Variants in DAZAP1 observed in about 807,000 individuals in gnomAD.
DAZAP1 encodes the protein DAZ associated protein 1.
DAZAP1 carries 6 observed loss-of-function variants against 60.1 expected under a neutral mutation model. The observed-to-expected ratio is 0.10, with a 90% CI of 0.05 to 0.20. The LOEUF (loss-of-function observed/expected upper bound fraction) is 0.20, where lower values mean the gene tolerates loss of function less well. DAZAP1 is among the 10% of genes least tolerant of loss of function. DAZAP1 has a pLI of 1.00. For synonymous variants in DAZAP1, 235 were observed against 215.9 expected, an observed-to-expected ratio of 1.09 and a Z score of -0.78; for missense variants, 366 against 560.4, an observed-to-expected ratio of 0.65 and a Z score of 3.50.
intron 10 of DAZAP1, among the ~76,000 whole-genome samples, chr19:1,431,832 G>A (rs1490279759): frequency 6.6e-6 from 1 of 152,272 alleles, no homozygotes; most frequent in East Asian, 1.9e-4. Context: ...GAACGGCACC[G>A]TGATCTGATT....
Position 1,416,074 on chromosome 19 carries a change from G to C in DAZAP1, c.30-1426G>C, listed in dbSNP as rs780905079. ...CCAGGGGCTGACTCGCGGGGGCTGAGTGTACAGGCCCCAGGTGGTGGTTGA... is the reference window on the plus strand; with the variant it reads ...CCAGGGGCTGACTCGCGGGGGCTGACTGTACAGGCCCCAGGTGGTGGTTGA... On this transcript the variant is annotated intron_variant, in intron 1 of 11. Coordinates refer to ENST00000233078, the MANE Select transcript of DAZAP1 (RefSeq NM_018959.4). The surrounding 1 kb of genome is among the most constrained non-coding windows in gnomAD (Gnocchi z 4.3). The C allele has an allele frequency of 1.3e-5, 2 of 152,260 alleles. No homozygotes were observed. The highest frequency in any genetic ancestry group is 2.9e-5 in the Non-Finnish European group (2 of 68,068). The allele number at this position is 152,260 out of a possible 1,614,324, so 9.4% of individuals were successfully genotyped here. A position where few individuals can be genotyped will look rare whatever the true frequency, so the allele number is the denominator to read the frequency against.
At chr19:1,410,473 C>A (rs1270918629) in intron 1 of DAZAP1, among the ~76,000 whole-genome samples, 1 of 152,200 alleles carries the variant, frequency 6.6e-6, no homozygotes, top group African/African-American at 2.4e-5. Flanking sequence ...AGCAGGTGGC[C>A]TGGAGCGCTC....
intron 2 of DAZAP1, among the ~76,000 whole-genome samples, chr19:1,417,941 G>A (rs574289261): frequency 2.6e-5 from 4 of 152,304 alleles, no homozygotes; most frequent in East Asian, 3.9e-4. Context: ...TGCCTTAAAC[G>A]TTGCCTTCCT....
intron 1 of DAZAP1, among the ~76,000 whole-genome samples, chr19:1,409,590 G>A (rs1179091584): frequency 2.0e-5 from 3 of 152,370 alleles, no homozygotes; most frequent in South Asian, 4.1e-4. Context: ...CAGACTCCTT[G>A]GGCAAGAAGT....
chr19:1,410,544 C>T (rs907993877), intron 1 of DAZAP1, among the ~76,000 whole-genome samples: 1 of 152,224 alleles, frequency 6.6e-6, no homozygotes, highest in Non-Finnish European at 1.5e-5. Context: ...CTTGTGAAGT[C>T]ATCTTAAAGT....
At chr19:1,429,852 C>A in intron 8 of DAZAP1, 115 bp from the exon 9 acceptor site, 1 of 1,307,964 alleles carries the variant, frequency 7.6e-7, no homozygotes, top group Non-Finnish European at 1.1e-6. Flanking sequence ...AGGCTCTAAG[C>A]ACAGGAGGCT....
chr19:1,429,384 C>G (rs2083385115), intron 8 of DAZAP1, among the ~76,000 whole-genome samples: 1 of 152,218 alleles, frequency 6.6e-6, no homozygotes, highest in African/African-American at 2.4e-5. Flanking sequence ...AGCCGGCAGG[C>G]TTTGGATCCT....
Position 1,417,398 on chromosome 19 carries a change from G to A in DAZAP1, c.30-102G>A, listed in dbSNP as rs12462152. ...CACGTGCACAAGGACGTTTGCGTCA[G>A]CTGCTTCTGTGGTTTGAATTAAGAC... On this transcript the variant is annotated intron_variant, in intron 1 of 11. Coordinates refer to ENST00000233078, the MANE Select transcript of DAZAP1 (RefSeq NM_018959.4). 3.4e-4 allele frequency: 460 copies of A among 1,342,086 alleles called. 5 individuals are homozygous for A. The South Asian group carries it at 4.3e-3, about 13-fold the overall frequency. The allele number at this position is 1,342,086 out of a possible 1,614,324, so 83.1% of individuals were successfully genotyped here.
rs369368411 is a variant in DAZAP1 at position 1,434,916 on chromosome 19, G to A, written c.*4G>A. The A allele has an allele frequency of 2.6e-5, 37 of 1,440,356 alleles. No homozygotes were observed. The highest frequency in any genetic ancestry group is 1.8e-4 in the Middle Eastern group (1 of 5,496). 89.2% of individuals were successfully genotyped at this position (1,440,356 alleles called of 1,614,324 possible). ...GTTCCACCCCTACCGACGCTAGCCCGCGGCGCCGCGACGTCTGCACGGCCC... is the reference window on the plus strand; with the variant it reads ...GTTCCACCCCTACCGACGCTAGCCCACGGCGCCGCGACGTCTGCACGGCCC... On this transcript the variant is annotated 3_prime_UTR_variant, in exon 12 of 12. Coordinates refer to ENST00000233078, the MANE Select transcript of DAZAP1 (RefSeq NM_018959.4). This position sits in a 1 kb window ranked among gnomAD's most constrained non-coding sequence, Gnocchi z 8.0.
rs202235252 is a variant in DAZAP1 at position 1,434,850 on chromosome 19, G to A, written c.1162G>A (p.Gly388Ser). ...VPGSGGPPAG[G>S]SGFGRGQNHN... ...AGGGTCGGGGGGCCCCCCCGCCGGCGGCAGCGGCTTTGGACGAGGGCAGAA... is the reference window on the plus strand; with the variant it reads ...AGGGTCGGGGGGCCCCCCCGCCGGCAGCAGCGGCTTTGGACGAGGGCAGAA... Residue 388 changes from glycine to serine, a missense_variant, in exon 12 of 12, where the codon GGC (glycine) becomes AGC (serine). Physicochemically the swap from Gly to Ser is moderately conservative, Grantham distance 56. Transcript: ENST00000233078. The surrounding 1 kb of genome is among the most constrained non-coding windows in gnomAD (Gnocchi z 8.0). The A allele has an allele frequency of 4.1e-5, 65 of 1,604,494 alleles. No individual in the cohort carries two copies. In the Middle Eastern group the frequency reaches 5.0e-4, roughly 12 times the overall value.
Position 1,426,796 on chromosome 19 carries a change from C to T in DAZAP1, c.546+836C>T, listed in dbSNP as rs2083313739. 6.6e-6 allele frequency: 1 copy of T among 152,228 alleles called. No homozygotes were observed. Among genetic ancestry groups the T allele is most frequent in the African/African-American group, 2.4e-5 (1 of 41,454 alleles). 9.4% of individuals were successfully genotyped at this position (152,228 alleles called of 1,614,324 possible). Reference sequence around the variant, plus strand: ...CTTTCAAACCAAGGAGCTCTGCTGGCTCTGCCAGGCCGCCTCACATGCCCA... The same window carrying T: ...CTTTCAAACCAAGGAGCTCTGCTGGTTCTGCCAGGCCGCCTCACATGCCCA... On this transcript the variant is annotated intron_variant, in intron 7 of 11. Coordinates refer to ENST00000233078, the MANE Select transcript of DAZAP1 (RefSeq NM_018959.4). The surrounding 1 kb of genome is among the most constrained non-coding windows in gnomAD (Gnocchi z 5.4).
chr19:1,429,380 C>G (rs1475978424), intron 8 of DAZAP1, among the ~76,000 whole-genome samples: 1 of 152,226 alleles, frequency 6.6e-6, no homozygotes, highest in Non-Finnish European at 1.5e-5. Flanking sequence ...GAGGAGCCGG[C>G]AGGCTTTGGA....
In DAZAP1 at chr19:1,413,989, C is replaced by CTGTGTGTGTGTGTG. The variant is rs3065755; in HGVS notation, c.30-3481_30-3468dup. Among the ~76,000 whole-genome samples, 342 of 130,142 alleles carry CTGTGTGTGTGTGTG rather than the reference C, an allele frequency of 2.6e-3. 3 individuals carry two copies. Among genetic ancestry groups the CTGTGTGTGTGTGTG allele is most frequent in the East Asian group, 6.6e-3 (29 of 4,398 alleles). The allele number at this position is 130,142 out of a possible 152,430, so 85.4% of individuals were successfully genotyped here. On this transcript the variant is annotated intron_variant, in intron 1 of 11. Coordinates refer to ENST00000233078, the MANE Select transcript of DAZAP1 (RefSeq NM_018959.4). ...TGCCTCTTGCCCCACCCCCAGTGAA[C>CTGTGTGTGTGTGTG]TGTGTGTGTGTGTGTGTGTGTGTGT...
In DAZAP1 at chr19:1,418,533, G is replaced by A; in HGVS notation, c.238-133G>A. The A allele has an allele frequency of 6.9e-7, 1 of 1,438,924 alleles. No homozygotes were observed. Among genetic ancestry groups the A allele is most frequent in the East Asian group, 2.3e-5 (1 of 43,978 alleles). The allele number at this position is 1,438,924 out of a possible 1,614,324, so 89.1% of individuals were successfully genotyped here. A position where few individuals can be genotyped will look rare whatever the true frequency, so the allele number is the denominator to read the frequency against. The stretch of plus-strand genomic sequence containing the variant: ...GGTGCTGAGGCTGGATATTGCAGGA[G>A]GATACAGGGTGAATGGAGCCGGCGG... On this transcript the variant is annotated intron_variant, in intron 3 of 11. Transcript: ENST00000233078. The surrounding 1 kb of genome is among the most constrained non-coding windows in gnomAD (Gnocchi z 5.7).
chr19:1,412,689 C>T (rs979101042), intron 1 of DAZAP1, among the ~76,000 whole-genome samples: 2 of 152,352 alleles, frequency 1.3e-5, no homozygotes, highest in South Asian at 2.1e-4. Flanking sequence ...GCATAAATAC[C>T]GCACAGGCAC....
In DAZAP1 at chr19:1,433,672, CGT is replaced by C. The variant is rs2083515562; in HGVS notation, c.1048+987_1048+988del. ...TGTGAGGCGCCCGGTTGGGGCGTGGCGTGTGTCAGCCGCTGCTCTTGGTGGCG... is the reference window on the plus strand; with the variant it reads ...TGTGAGGCGCCCGGTTGGGGCGTGGCGTGTCAGCCGCTGCTCTTGGTGGCG... On this transcript the variant is annotated intron_variant, in intron 11 of 11. Coordinates refer to ENST00000233078, the MANE Select transcript of DAZAP1 (RefSeq NM_018959.4). This position sits in a 1 kb window ranked among gnomAD's most constrained non-coding sequence, Gnocchi z 6.1. The C allele has an allele frequency of 2.0e-5, 26 of 1,330,790 alleles. No individual in the cohort carries two copies. Among genetic ancestry groups the C allele is most frequent in the Non-Finnish European group, 2.5e-5 (23 of 928,136 alleles). 82.4% of individuals were successfully genotyped at this position (1,330,790 alleles called of 1,614,324 possible).
intron 1 of DAZAP1, among the ~76,000 whole-genome samples, chr19:1,413,193 C>T (rs1450915124): frequency 1.3e-5 from 2 of 152,204 alleles, no homozygotes; most frequent in African/African-American, 2.4e-5. Context: ...ACAAGCGGAC[C>T]GCCAGCCCCG....
rs1206424826 is a variant in DAZAP1, at chr19:1,407,615, A to AGGCAGC, written c.-158_-153dup. On this transcript the variant is annotated 5_prime_UTR_variant, in exon 1 of 12. Coordinates refer to ENST00000233078, the MANE Select transcript of DAZAP1 (RefSeq NM_018959.4). ...GGTGACCGTTGGCGCCGAGGGGAGG[A>AGGCAGC]GGCAGCCGCCGCCGCCGCCGCCGCC... The AGGCAGC allele has an allele frequency of 4.9e-6, 1 of 205,232 alleles. No homozygotes were observed. Among genetic ancestry groups the AGGCAGC allele is most frequent in the Non-Finnish European group, 7.0e-6 (1 of 143,788 alleles). 12.7% of individuals were successfully genotyped at this position (205,232 alleles called of 1,614,324 possible).
Position 1,430,569 on chromosome 19 carries a change from C to G in DAZAP1, c.871+207C>G, listed in dbSNP as rs186876172. Reference sequence around the variant, plus strand: ...CTCGCTGGTTAGGCTAAAGGGCAGCCCGGGCTCCTGCGGGTTGGAGAGCTC... The same window carrying G: ...CTCGCTGGTTAGGCTAAAGGGCAGCGCGGGCTCCTGCGGGTTGGAGAGCTC... On this transcript the variant is annotated intron_variant, in intron 10 of 11. Coordinates refer to ENST00000233078, the MANE Select transcript of DAZAP1 (RefSeq NM_018959.4). Among the ~76,000 whole-genome samples the G allele has an allele frequency of 3.3e-5, 5 of 152,310 alleles. No homozygotes were observed. The East Asian group carries it at 9.6e-4, about 29-fold the overall frequency.
Sources: gnomAD v4.1 joint callset for allele counts (sites outside exome capture counted in the v4.1 genomes callset) on GRCh38, gnomAD v4.1.1 for gene constraint, Gnocchi (gnomAD v3.1) non-coding constraint, MANE v1.5 for transcripts, NCBI Gene and HGNC (gene_info 2026-07-23, HGNC 2026-07-21) for gene names.